The following LYZL1 variants were observed in gnomAD, a reference collection of about 807,000 sequenced individuals.
LYZL1 encodes lysozyme like 1.
A neutral mutation model predicts 17.9 loss-of-function variants in LYZL1; 16 were observed. The observed-to-expected ratio is 0.90, with a 90% confidence interval of 0.61 to 1.36. The LOEUF is 1.36. Ranked by LOEUF, LYZL1 falls within the 40% of genes most tolerant of loss-of-function variation. LYZL1 has a pLI of 0.00. For synonymous variants in LYZL1, 58 were observed against 71.8 expected (o/e 0.81, Z 0.97); for missense variants, 149 against 188.4 (o/e 0.79, Z 1.22).
intron 3 of LYZL1, among the ~76,000 whole-genome samples, chr10:29,303,393 C>G (rs982987340): frequency 9.2e-5 from 14 of 152,252 alleles, no homozygotes; most frequent in African/African-American, 3.4e-4. Context: ...GATCATGATC[C>G]TGCATTGCCA....
intron 4 of LYZL1, chr10:29,318,006 G>T: frequency 9.5e-6 from 2 of 209,984 alleles, no homozygotes; most frequent in Non-Finnish European, 1.6e-5. Flanking sequence ...CTATAATTTT[G>T]TAATAGGTGA....
rs1835667850 is a variant in LYZL1, at chr10:29,311,217, T to G, written c.*158T>G. ...CTTTTAAGAAAATAAATATTTCCAT[T>G]TAAATGTCTTCACCCCGTCTCAGTT... On this transcript the variant is annotated 3_prime_UTR_variant, in exon 5 of 5. Transcript: ENST00000649382. 1 of 1,550,002 alleles carries G rather than the reference T, an allele frequency of 6.5e-7. No homozygotes were observed.
intron 4 of LYZL1, among the ~76,000 whole-genome samples, chr10:29,310,561 AC>A: frequency 6.6e-6 from 1 of 152,292 alleles, no homozygotes; most frequent in Non-Finnish European, 1.5e-5. Context: ...GGTTACAGCA[AC>A]ATTTTGCAGG....
At chr10:29,293,634 G>A (rs1165460271) in intron 3 of LYZL1, among the ~76,000 whole-genome samples, 1 of 152,126 alleles carries the variant, frequency 6.6e-6, no homozygotes, top group Non-Finnish European at 1.5e-5. Flanking sequence ...ATGTAAGGAG[G>A]AGTGCGCTGA....
At position 29,292,635 on chromosome 10, in the gene LYZL1, G is replaced by A. The variant is rs186713666; in HGVS notation, c.256G>A (p.Gly86Arg). The A allele has an allele frequency of 1.3e-4, 209 of 1,614,156 alleles. 1 individual carries two copies. The South Asian group carries it at 1.8e-3, about 14-fold the overall frequency. The change falls in exon 3 of 5, where the codon GGA (glycine) becomes AGA (arginine). Residue 86 changes from glycine (G) to arginine (R), a missense_variant. This residue lies in a region of LYZL1 where 130 missense variants were observed against 132.5 expected (regional missense o/e 0.98). Transcript: ENST00000649382. ...CAACAGCTTCGCGTGGTGCAGACGCGGAAAGCTGAAGGAGAACAACCACTG... is the reference window on the plus strand; with the variant it reads ...CAACAGCTTCGCGTGGTGCAGACGCAGAAAGCTGAAGGAGAACAACCACTG... ...QINSFAWCRR[G>R]KLKENNHCHV...
chr10:29,298,507 G>T (rs1835474765), intron 3 of LYZL1, among the ~76,000 whole-genome samples: 1 of 152,214 alleles, frequency 6.6e-6, no homozygotes, highest in African/African-American at 2.4e-5. Context: ...AGTGCACAGA[G>T]CATGGTGGAG....
chr10:29,303,735 C>T (rs370177433), intron 3 of LYZL1, among the ~76,000 whole-genome samples: 1 of 152,076 alleles, frequency 6.6e-6, no homozygotes, highest in Non-Finnish European at 1.5e-5. Context: ...AACTAACCAC[C>T]CTCCATGAAA....
chr10:29,318,320 C>A (rs1400181747), exon 5 of LYZL1: 3 of 309,950 alleles, frequency 9.7e-6, no homozygotes, highest in Non-Finnish European at 1.4e-5. Flanking sequence ...AGCCCAGATT[C>A]ATAAGTAATC....
intron 3 of LYZL1, among the ~76,000 whole-genome samples, chr10:29,299,274 A>G (rs1028525386): frequency 6.6e-6 from 1 of 152,166 alleles, no homozygotes; most frequent in Non-Finnish European, 1.5e-5. Context: ...CTAACAGACA[A>G]TGGACTGGTA....
At chr10:29,317,214 G>T (rs1291433957) in intron 3 of LYZL1, 1 of 152,140 alleles carries the variant, frequency 6.6e-6, no homozygotes, top group African/African-American at 2.4e-5. Context: ...GGATATTGAG[G>T]TTGTCCAGTA....
In LYZL1 at chr10:29,290,707, T is replaced by C. The variant is rs566350802; in HGVS notation, c.-25-1136T>C. Among the ~76,000 whole-genome samples the C allele has an allele frequency of 6.6e-5, 10 of 152,088 alleles. No homozygotes were observed. The South Asian group carries it at 8.3e-4, about 13-fold the overall frequency. Reference sequence around the variant, plus strand: ...CACAAAAATTAGCCAGGTGTGGTGGTGGGCGCCTGTAATCCCAGCTACTCA... The same window carrying C: ...CACAAAAATTAGCCAGGTGTGGTGGCGGGCGCCTGTAATCCCAGCTACTCA... On this transcript the variant is annotated intron_variant, in intron 1 of 4. Transcript: ENST00000649382.
downstream of LYZL1, among the ~76,000 whole-genome samples, chr10:29,312,987 G>C (rs55758301): frequency 0.084 from 12,731 of 152,138 alleles, 615 homozygotes; most frequent in South Asian, 0.13. Flanking sequence ...CTGTGACAGC[G>C]CCTAAATAAC....
chr10:29,317,422 T>C (rs1241454464), exon 4 of LYZL1: 1 of 152,206 alleles, frequency 6.6e-6, no homozygotes, highest in East Asian at 1.9e-4. Flanking sequence ...TCCCAACAAT[T>C]AGGATCCATC....
In LYZL1 at chr10:29,289,103, A is replaced by G. The variant is rs1457899213; in HGVS notation, c.-153A>G. The stretch of plus-strand genomic sequence containing the variant: ...ATTACTCGCGCCTCGTTAGAATCAG[A>G]CATGGCTTCAGGGGATGCAGGACGC... On this transcript the variant is annotated 5_prime_UTR_variant, in exon 1 of 5. Coordinates refer to ENST00000649382, the MANE Select transcript of LYZL1 (RefSeq NM_032517.6). 4 of 1,568,342 alleles carry G rather than the reference A, an allele frequency of 2.6e-6. No homozygotes were observed. The African/African-American group carries it at 5.4e-5, about 21-fold the overall frequency.
chr10:29,301,041 C>A (rs1835511525), intron 3 of LYZL1, among the ~76,000 whole-genome samples: 1 of 151,946 alleles, frequency 6.6e-6, no homozygotes, highest in Admixed American at 6.6e-5. Context: ...TGTGTCCCCA[C>A]CGAAATCTCA....
At position 29,292,697 on chromosome 10, in the gene LYZL1, G is replaced by C; in HGVS notation, c.298+20G>C. The C allele has an allele frequency of 6.2e-7, 1 of 1,606,108 alleles. No individual in the cohort carries two copies. The highest frequency in any genetic ancestry group is 1.7e-4 in the Middle Eastern group (1 of 5,998). Reference sequence around the variant, plus strand: ...GCTCAGGTGAGGCTCTGACTTTCCAGTGATGCCATCCTCAGGACTAGGCGA... The same window carrying C: ...GCTCAGGTGAGGCTCTGACTTTCCACTGATGCCATCCTCAGGACTAGGCGA... On this transcript the variant is annotated intron_variant, in intron 3 of 4. Transcript: ENST00000649382.
chr10:29,309,050 T>C (rs78793406), intron 3 of LYZL1, among the ~76,000 whole-genome samples: 12,720 of 151,980 alleles, frequency 0.084, 627 homozygotes, highest in South Asian at 0.14. Context: ...CACCCTAGAC[T>C]GGGTGCGATG....
At chr10:29,307,100 T>C (rs372613350) in intron 3 of LYZL1, among the ~76,000 whole-genome samples, 2 of 152,134 alleles carry the variant, frequency 1.3e-5, no homozygotes, top group South Asian at 4.1e-4. Context: ...GTGATCCACC[T>C]GCCTCGGCCT....
chr10:29,293,749 G>A (rs1340475651), intron 3 of LYZL1, among the ~76,000 whole-genome samples: 1 of 152,134 alleles, frequency 6.6e-6, no homozygotes, highest in East Asian at 1.9e-4. Flanking sequence ...GAGGCAGGTA[G>A]ATAACCTGAG....
Sources: gnomAD v4.1 joint callset for allele counts (sites outside exome capture counted in the v4.1 genomes callset) on GRCh38, gnomAD v4.1.1 for gene constraint, gnomAD v4.1.1 regional missense constraint, MANE v1.5 for transcripts, NCBI Gene and HGNC (gene_info 2026-07-23, HGNC 2026-07-21) for gene names.